KLF12: variants seen among roughly 807,000 people sequenced by gnomAD.
KLF12 encodes Krueppel-like factor 12.
In KLF12, 9 loss-of-function variants were observed where a neutral mutation model predicts 37.8. That is an observed-to-expected ratio of 0.24 (90% CI 0.14 to 0.42). The LOEUF (loss-of-function observed/expected upper bound fraction) is 0.42, where lower values mean the gene tolerates loss of function less well. Among genes scored for constraint, KLF12 ranks in the 10% least tolerant of loss-of-function variants. The probability of loss-of-function intolerance (pLI) is 1.00; values close to 1 mark genes in which losing one functional copy is unlikely to be tolerated. For missense variants in KLF12, 411 were observed against 516.0 expected (o/e 0.80, Z 1.97); for synonymous variants, 208 against 202.1 (o/e 1.03, Z -0.25).
At chr13:73,987,026 C>T (rs910572219) in intron 2 of KLF12, among the ~76,000 whole-genome samples, 2 of 152,102 alleles carry the variant, frequency 1.3e-5, no homozygotes, top group Non-Finnish European at 1.5e-5. Flanking sequence ...AATAAATTCA[C>T]TTTCATATTA....
the KLF12 span, among the ~76,000 whole-genome samples, chr13:74,261,829 T>C: frequency 3.3e-5 from 5 of 152,220 alleles, no homozygotes; most frequent in Non-Finnish European, 7.3e-5. Flanking sequence ...CAAACGTGTG[T>C]GTGGTAGTAC....
chr13:73,770,672 G>A (rs151113175), intron 5 of KLF12, among the ~76,000 whole-genome samples: 18 of 151,784 alleles, frequency 1.2e-4, no homozygotes, highest in South Asian at 4.2e-4. Context: ...ACAGGCATGC[G>A]CCACCTGTAA....
the KLF12 span, among the ~76,000 whole-genome samples, chr13:74,224,220 C>A: frequency 9.2e-5 from 14 of 152,212 alleles, no homozygotes; most frequent in Admixed American, 2.6e-4. Flanking sequence ...TGATCATCTG[C>A]AGAAATATAA....
At chr13:73,952,067 C>T (rs1007233534) in intron 2 of KLF12, among the ~76,000 whole-genome samples, 1 of 152,074 alleles carries the variant, frequency 6.6e-6, no homozygotes, top group African/African-American at 2.4e-5. Flanking sequence ...TATGAAATTC[C>T]CCATATTGGT....
At chr13:73,875,466 T>C (rs567998963) in intron 3 of KLF12, among the ~76,000 whole-genome samples, 1 of 152,162 alleles carries the variant, frequency 6.6e-6, no homozygotes, top group Non-Finnish European at 1.5e-5. Context: ...AAAACATGGT[T>C]TTTGTGACAG....
chr13:74,170,351 A>G, the KLF12 span, among the ~76,000 whole-genome samples: 1 of 152,238 alleles, frequency 6.6e-6, no homozygotes, highest in African/African-American at 2.4e-5. Context: ...CTTACAATTT[A>G]TAAAGGCTTT....
chr13:73,857,660 G>A (rs1465141418), intron 3 of KLF12, among the ~76,000 whole-genome samples: 5 of 152,254 alleles, frequency 3.3e-5, no homozygotes, highest in South Asian at 2.1e-4. Flanking sequence ...ATATGGATGC[G>A]TAACTTTGTC....
chr13:73,997,104 T>A (rs1892141657), intron 1 of KLF12, among the ~76,000 whole-genome samples: 1 of 152,162 alleles, frequency 6.6e-6, no homozygotes, highest in African/African-American at 2.4e-5. Flanking sequence ...AGTTTTTGCT[T>A]TCCATCCAAT....
intron 6 of KLF12, among the ~76,000 whole-genome samples, chr13:73,739,675 G>A (rs1280391477): frequency 7.9e-6 from 1 of 127,288 alleles, no homozygotes; most frequent in African/African-American, 2.6e-5. Flanking sequence ...CAGCACTAGA[G>A]TCTCCTTTTT....
At chr13:74,118,926 G>C (rs1877465659) in intron 1 of KLF12, among the ~76,000 whole-genome samples, 1 of 152,022 alleles carries the variant, frequency 6.6e-6, no homozygotes, top group South Asian at 2.1e-4. Context: ...AAAACTAAAG[G>C]AGAAAAAGAA....
At chr13:74,000,966 A>C (rs1429393853) in intron 1 of KLF12, among the ~76,000 whole-genome samples, 1 of 152,252 alleles carries the variant, frequency 6.6e-6, no homozygotes, top group African/African-American at 2.4e-5. Flanking sequence ...TTTGTACTGC[A>C]AAGGATTGAC....
At position 73,831,024 on chromosome 13, in the gene KLF12, ACG is replaced by A. The variant is rs1491515385; in HGVS notation, c.670+14801_670+14802del. On this transcript the variant is annotated intron_variant, in intron 4 of 7. Transcript: ENST00000377669. ...CACACACACACACACACACACACAC[ACG>A]CATACTTATTTTACATACAGAATAG... Among the ~76,000 whole-genome samples, 362 of 126,204 alleles carry A rather than the reference ACG, an allele frequency of 2.9e-3. 1 individual carries two copies. Among genetic ancestry groups the A allele is most frequent in the African/African-American group, 9.5e-3 (352 of 37,110 alleles). The allele number at this position is 126,204 out of a possible 152,430, so 82.8% of individuals were successfully genotyped here.
chr13:73,813,084 G>T, intron 5 of KLF12, 68 bp downstream of exon 5: 1 of 1,531,820 alleles, frequency 6.5e-7, no homozygotes, highest in Non-Finnish European at 9.0e-7. Flanking sequence ...GACAGGAGAT[G>T]CTGCAGTTTC....
chr13:73,915,462 A>C, intron 3 of KLF12, among the ~76,000 whole-genome samples: 1 of 149,856 alleles, frequency 6.7e-6, no homozygotes, highest in Non-Finnish European at 1.5e-5. Context: ...AAGACGTTAC[A>C]CCCTTTCCCT....
At chr13:74,060,484 T>TG (rs1873513557) in intron 1 of KLF12, among the ~76,000 whole-genome samples, 1 of 108,598 alleles carries the variant, frequency 9.2e-6, no homozygotes, top group South Asian at 2.8e-4. Context: ...TACCTAGGTT[T>TG]TGTGTGTGTG....
chr13:74,267,449 A>G, the KLF12 span, among the ~76,000 whole-genome samples: 1 of 152,204 alleles, frequency 6.6e-6, no homozygotes, highest in African/African-American at 2.4e-5. Context: ...ATGAGCCTGG[A>G]GCTCATTATG....
the KLF12 span, among the ~76,000 whole-genome samples, chr13:74,304,110 T>C: frequency 6.6e-6 from 1 of 152,136 alleles, no homozygotes; most frequent in South Asian, 2.1e-4. Flanking sequence ...GCTGTGATTT[T>C]TCGGAACCCA....
chr13:73,828,072 TG>T (rs1827855568), intron 4 of KLF12, among the ~76,000 whole-genome samples: 1 of 152,180 alleles, frequency 6.6e-6, no homozygotes, highest in Non-Finnish European at 1.5e-5. Context: ...GTCTGAATTT[TG>T]TTTTTTTTTA....
intron 3 of KLF12, among the ~76,000 whole-genome samples, chr13:73,880,397 C>T (rs1886919120): frequency 6.6e-6 from 1 of 152,154 alleles, no homozygotes; most frequent in Non-Finnish European, 1.5e-5. Context: ...TCATAGGACA[C>T]ATCAGCATGG....
Sources: gnomAD v4.1 joint callset for allele counts (sites outside exome capture counted in the v4.1 genomes callset) on GRCh38, gnomAD v4.1.1 for gene constraint, MANE v1.5 for transcripts, NCBI Gene and HGNC (gene_info 2026-07-23, HGNC 2026-07-21) for gene names.